TRAK1: variants seen among roughly 807,000 people sequenced by gnomAD.
TRAK1 encodes the protein trafficking kinesin protein 1.
In TRAK1, 33 loss-of-function variants were observed where a neutral mutation model predicts 92.1. That is an observed-to-expected ratio of 0.36 (90% CI 0.27 to 0.48). TRAK1 has a LOEUF of 0.48. TRAK1 is among the 20% of genes least tolerant of loss of function. The probability of loss-of-function intolerance (pLI) is 0.99; values close to 1 mark genes in which losing one functional copy is unlikely to be tolerated. For synonymous variants in TRAK1, 521 were observed against 517.3 expected, an observed-to-expected ratio of 1.01 and a Z score of -0.10; for missense variants, 1,123 against 1,257.9, an observed-to-expected ratio of 0.89 and a Z score of 1.62.
intron 1 of TRAK1, among the ~76,000 whole-genome samples, chr3:42,075,233 C>G (rs1003819850): frequency 1.3e-5 from 2 of 148,978 alleles, no homozygotes; most frequent in African/African-American, 2.5e-5. Flanking sequence ...CCCAGCTACT[C>G]TGGAGGCTGA....
chr3:42,019,317 C>T (rs1701647657), intron 1 of TRAK1, among the ~76,000 whole-genome samples: 1 of 152,100 alleles, frequency 6.6e-6, no homozygotes, highest in Non-Finnish European at 1.5e-5. Flanking sequence ...TCTCTGTTGC[C>T]TGGGCTGAAG....
chr3:42,178,055 C>A (rs1473501657), intron 3 of TRAK1, among the ~76,000 whole-genome samples: 1 of 152,182 alleles, frequency 6.6e-6, no homozygotes, highest in Non-Finnish European at 1.5e-5. Context: ...TAATCACTGA[C>A]CCCTTTCTGC....
intron 1 of TRAK1, among the ~76,000 whole-genome samples, chr3:42,048,555 A>G (rs1170858004): frequency 7.2e-6 from 1 of 139,460 alleles, no homozygotes; most frequent in Non-Finnish European, 1.5e-5. Context: ...TTTTTCCTCT[A>G]CAGTTCTTTT....
rs1042219944 is a variant in TRAK1 at position 42,067,310 on chromosome 3, G to C, written c.-518-19794G>C. Among the ~76,000 whole-genome samples, 65 of 152,196 alleles carry C rather than the reference G, an allele frequency of 4.3e-4. 1 individual carries two copies. The highest frequency in any genetic ancestry group is 1.6e-4 in the Non-Finnish European group (11 of 68,030). On this transcript the variant is annotated intron_variant, in intron 1 of 16. Transcript: ENST00000487159. ...TGAAAATTAGGTATTTAAGGACTTT[G>C]TCAATTATGGTTAAGCACATTTTTT...
At chr3:42,032,073 G>A (rs921588319) in intron 1 of TRAK1, among the ~76,000 whole-genome samples, 3 of 152,200 alleles carry the variant, frequency 2.0e-5, no homozygotes, top group South Asian at 2.1e-4. Context: ...CCGCAGGCCT[G>A]GAGAGACTGA....
At position 42,202,369 on chromosome 3, in the gene TRAK1, G is replaced by GCAGT; in HGVS notation, c.1428-65_1428-62dup. The GCAGT allele has an allele frequency of 7.1e-7, 1 of 1,413,744 alleles. No individual in the cohort carries two copies. The highest frequency in any genetic ancestry group is 9.3e-7 in the Non-Finnish European group (1 of 1,074,570). 87.6% of individuals were successfully genotyped at this position (1,413,744 alleles called of 1,614,324 possible). A position where few individuals can be genotyped will look rare whatever the true frequency, so the allele number is the denominator to read the frequency against. On this transcript the variant is annotated intron_variant, in intron 12 of 15. Coordinates refer to ENST00000327628, the MANE Select transcript of TRAK1 (RefSeq NM_001042646.3). This position sits in a 1 kb window ranked among gnomAD's most constrained non-coding sequence, Gnocchi z 6.1. ...GGGAACGTCCACCGCTGTGCATTGA[G>GCAGT]CAGTCGGGCCTCTGTGGCCTTGGAG...
At chr3:42,081,083 C>T (rs1436145270) in intron 1 of TRAK1, among the ~76,000 whole-genome samples, 1 of 152,098 alleles carries the variant, frequency 6.6e-6, no homozygotes, top group Non-Finnish European at 1.5e-5. Context: ...CACCATGTTG[C>T]CCAGGCTGCT....
At chr3:42,179,564 T>G (rs977447180) in intron 3 of TRAK1, among the ~76,000 whole-genome samples, 5 of 152,230 alleles carry the variant, frequency 3.3e-5, no homozygotes, top group African/African-American at 1.2e-4. Flanking sequence ...GTCATGCTTT[T>G]TATCCTGAAA....
At chr3:42,184,849 G>C in intron 4 of TRAK1, 48 bp downstream of exon 4, 1 of 1,549,866 alleles carries the variant, frequency 6.5e-7, no homozygotes, top group Non-Finnish European at 8.9e-7. Flanking sequence ...CCACAGGCCT[G>C]GGAGCTGGAG....
chr3:42,072,112 C>A (rs1449628479), intron 1 of TRAK1, among the ~76,000 whole-genome samples: 1 of 152,212 alleles, frequency 6.6e-6, no homozygotes, highest in Non-Finnish European at 1.5e-5. Flanking sequence ...GCGTCGTGCC[C>A]CTTGGCTGGC....
chr3:42,199,104 G>A, intron 10 of TRAK1, 73 bp from the exon 11 acceptor site: 1 of 1,548,840 alleles, frequency 6.5e-7, no homozygotes, highest in Non-Finnish European at 8.9e-7. Context: ...GCCCACCTGG[G>A]TGCATACCTC....
At chr3:42,111,270 C>T (rs1708356797) in intron 1 of TRAK1, among the ~76,000 whole-genome samples, 1 of 152,194 alleles carries the variant, frequency 6.6e-6, no homozygotes, top group Admixed American at 6.5e-5. Flanking sequence ...ACAGGTAGAA[C>T]CAACTTTGGG....
At chr3:42,013,708 A>G (rs1309661189), upstream of TRAK1, 1 of 146,574 alleles carries the variant, frequency 6.8e-6, no homozygotes, top group Non-Finnish European at 1.5e-5. This position sits in a 1 kb window ranked among gnomAD's most constrained non-coding sequence, Gnocchi z 5.1. Flanking sequence ...CGTCCGCAGC[A>G]GCGCCCCCGC....
intron 1 of TRAK1, among the ~76,000 whole-genome samples, chr3:42,031,067 G>C (rs1335368157): frequency 1.5e-5 from 2 of 133,880 alleles, no homozygotes; most frequent in Non-Finnish European, 3.1e-5. Flanking sequence ...ATGGAGTCTC[G>C]CTCTGTCACC....
chr3:42,068,831 G>T (rs562951241), intron 1 of TRAK1, among the ~76,000 whole-genome samples: 1 of 152,120 alleles, frequency 6.6e-6, no homozygotes, highest in African/African-American at 2.4e-5. Context: ...GTATTAGCTC[G>T]TTTAATCCTT....
intron 1 of TRAK1, among the ~76,000 whole-genome samples, chr3:42,046,430 A>AG (rs1302566370): frequency 6.6e-6 from 1 of 151,732 alleles, no homozygotes; most frequent in Non-Finnish European, 1.5e-5. Flanking sequence ...GGTTGGGAAT[A>AG]GGGGCCACGT....
At chr3:42,135,809 T>C (rs189547122) in intron 2 of TRAK1, among the ~76,000 whole-genome samples, 10 of 152,338 alleles carry the variant, frequency 6.6e-5, no homozygotes, top group Non-Finnish European at 4.4e-5. Flanking sequence ...TTCTCTTGCC[T>C]ACATCTTCTT....
At chr3:42,180,601 C>T (rs1393178871) in intron 3 of TRAK1, among the ~76,000 whole-genome samples, 1 of 151,298 alleles carries the variant, frequency 6.6e-6, no homozygotes, top group African/African-American at 2.4e-5. Context: ...GTTGCTTGAG[C>T]CCAGGAGTTT....
chr3:42,059,154 G>C (rs1169911813), intron 1 of TRAK1, among the ~76,000 whole-genome samples: 1 of 152,030 alleles, frequency 6.6e-6, no homozygotes, highest in African/African-American at 2.4e-5. Flanking sequence ...GAGTGCAGTG[G>C]TGCGATCATG....
Sources: gnomAD v4.1 joint callset for allele counts (sites outside exome capture counted in the v4.1 genomes callset) on GRCh38, gnomAD v4.1.1 for gene constraint, Gnocchi (gnomAD v3.1) non-coding constraint, MANE v1.5 for transcripts, NCBI Gene and HGNC (gene_info 2026-07-23, HGNC 2026-07-21) for gene names.